KCND2: variants seen among roughly 807,000 people sequenced by gnomAD.
KCND2 encodes A-type voltage-gated potassium channel KCND2.
Under a neutral mutation model 54.4 loss-of-function variants are expected in KCND2, and 16 were observed. That is an observed-to-expected ratio of 0.29 (90% confidence interval 0.20 to 0.45). The LOEUF (loss-of-function observed/expected upper bound fraction) is 0.45. Ranked by LOEUF, KCND2 falls within the 20% of genes least tolerant of loss-of-function variation. The probability of loss-of-function intolerance (pLI) is 1.00; values close to 1 mark genes in which losing one functional copy is unlikely to be tolerated. For missense variants in KCND2, 486 were observed against 824.2 expected (o/e 0.59, Z 5.02); for synonymous variants, 317 against 310.7 (o/e 1.02, Z -0.21).
At chr7:120,578,867 T>C (rs929995234) in intron 1 of KCND2, among the ~76,000 whole-genome samples, 2 of 151,076 alleles carry the variant, frequency 1.3e-5, no homozygotes, top group African/African-American at 4.9e-5. Flanking sequence ...TGAGCCAAGA[T>C]TGATTGCGCC....
chr7:120,324,620 T>C (rs13233472), intron 1 of KCND2, among the ~76,000 whole-genome samples: 107,774 of 146,672 alleles, frequency 0.73, 42,264 homozygotes, highest in South Asian at 0.92. Context: ...AGATAAGCGG[T>C]GTTATTTCTG....
intron 1 of KCND2, among the ~76,000 whole-genome samples, chr7:120,336,828 G>A (rs1226122208): frequency 6.6e-6 from 1 of 152,112 alleles, no homozygotes; most frequent in African/African-American, 2.4e-5. Flanking sequence ...GCCCAAATCA[G>A]TGTTTTTAGA....
At chr7:120,339,799 T>G in intron 1 of KCND2, among the ~76,000 whole-genome samples, 1 of 152,050 alleles carries the variant, frequency 6.6e-6, no homozygotes, top group Non-Finnish European at 1.5e-5. Context: ...ATTTTTAAAT[T>G]AGGTGGTCAA....
intron 1 of KCND2, among the ~76,000 whole-genome samples, chr7:120,328,544 G>T (rs1376305159): frequency 6.6e-6 from 1 of 152,084 alleles, no homozygotes; most frequent in African/African-American, 2.4e-5. Context: ...ATGAATAGAT[G>T]ATGATGATGT....
intron 1 of KCND2, among the ~76,000 whole-genome samples, chr7:120,325,433 T>C (rs1440898541): frequency 6.6e-6 from 1 of 150,960 alleles, no homozygotes; most frequent in East Asian, 1.9e-4. Context: ...TATTGGCTGT[T>C]GGTTTGTCAT....
intron 1 of KCND2, among the ~76,000 whole-genome samples, chr7:120,684,477 T>G (rs1414441776): frequency 6.6e-6 from 1 of 152,194 alleles, no homozygotes; most frequent in African/African-American, 2.4e-5. Flanking sequence ...GTTTTCATTT[T>G]AAGAAGTTAG....
intron 1 of KCND2, among the ~76,000 whole-genome samples, chr7:120,356,144 C>T (rs1359641389): frequency 6.6e-6 from 1 of 151,986 alleles, no homozygotes; most frequent in African/African-American, 2.4e-5. Context: ...ATGTGTTAAC[C>T]TTGAATTGAG....
intron 1 of KCND2, among the ~76,000 whole-genome samples, chr7:120,659,343 T>A (rs1424067090): frequency 6.6e-6 from 1 of 152,166 alleles, no homozygotes; most frequent in Non-Finnish European, 1.5e-5. Flanking sequence ...TTCCAAACTC[T>A]TTATTAACCT....
chr7:120,627,194 G>A (rs146075833), intron 1 of KCND2, among the ~76,000 whole-genome samples: 1,824 of 138,838 alleles, frequency 0.013, 73 homozygotes, highest in Admixed American at 0.087. Flanking sequence ...CATTGTGCTC[G>A]TCGTGAGAAT....
chr7:120,562,927 A>G (rs1455411900), intron 1 of KCND2, among the ~76,000 whole-genome samples: 1 of 152,188 alleles, frequency 6.6e-6, no homozygotes, highest in Non-Finnish European at 1.5e-5. Context: ...AATAAATTAT[A>G]TAAGGTAAAG....
rs1287029797 is a variant in KCND2 at position 120,493,009 on chromosome 7, A to G, written c.1115+217262A>G. 2.0e-5 allele frequency among the ~76,000 whole-genome samples: 3 copies of G among 152,024 alleles called. No homozygotes were observed. The East Asian group carries it at 5.8e-4, about 29-fold the overall frequency. ...AGTACTGTCATCGTAAGTAAGGGTC[A>G]TCTGTAATCTCATTCATGAAGGCTC... is the stretch of plus-strand genomic sequence containing the variant. On this transcript the variant is annotated intron_variant, in intron 1 of 5. Coordinates refer to ENST00000331113, the MANE Select transcript of KCND2 (RefSeq NM_012281.3).
At chr7:120,490,342 A>C (rs186630779) in intron 1 of KCND2, among the ~76,000 whole-genome samples, 3 of 152,280 alleles carry the variant, frequency 2.0e-5, no homozygotes, top group Middle Eastern at 3.4e-3. Context: ...TTGAAATTTC[A>C]TTTAAGCTCA....
intron 1 of KCND2, among the ~76,000 whole-genome samples, chr7:120,569,106 AAAC>A (rs923344518): frequency 6.6e-5 from 10 of 152,212 alleles, no homozygotes; most frequent in Admixed American, 6.5e-4. Context: ...AAGTTTGCAA[AAAC>A]AAGTACATTT....
At chr7:120,439,266 C>G (rs1463528853) in intron 1 of KCND2, among the ~76,000 whole-genome samples, 1 of 152,020 alleles carries the variant, frequency 6.6e-6, no homozygotes, top group African/African-American at 2.4e-5. Context: ...GGTTTTCACT[C>G]AGAATATCTT....
At chr7:120,293,492 T>C (rs1017917018) in intron 1 of KCND2, among the ~76,000 whole-genome samples, 1 of 151,902 alleles carries the variant, frequency 6.6e-6, no homozygotes, top group African/African-American at 2.4e-5. Context: ...TGATGATTTT[T>C]CCCTTCACTT....
chr7:120,339,496 T>C (rs1196782669), intron 1 of KCND2, among the ~76,000 whole-genome samples: 3 of 147,364 alleles, frequency 2.0e-5, no homozygotes, highest in Non-Finnish European at 4.4e-5. Context: ...CAATTCTCTT[T>C]AGAAGGCTGT....
At chr7:120,278,697 A>G (rs1271487573) in intron 1 of KCND2, among the ~76,000 whole-genome samples, 1 of 151,766 alleles carries the variant, frequency 6.6e-6, no homozygotes, top group African/African-American at 2.4e-5. Flanking sequence ...TGCTCCTTGA[A>G]ATATCAAATA....
At position 120,651,121 on chromosome 7, in the gene KCND2, G is replaced by C. The variant is rs763652630; in HGVS notation, c.1116-81782G>C. On this transcript the variant is annotated intron_variant, in intron 1 of 5. Transcript: ENST00000331113. The stretch of plus-strand genomic sequence containing the variant: ...TCAGTTCTAAAACTCCATGCTGGGA[G>C]AACCACTACTCTCTTCAAAGCTGTC... Among the ~76,000 whole-genome samples, 17 of 142,976 alleles carry C rather than the reference G, an allele frequency of 1.2e-4. 3 individuals are homozygous for C. Among genetic ancestry groups the C allele is most frequent in the Non-Finnish European group, 2.0e-4 (13 of 65,936 alleles). 93.8% of individuals were successfully genotyped at this position (142,976 alleles called of 152,430 possible).
Position 120,748,211 on chromosome 7 carries a change from G to A in KCND2, c.*353G>A. ...GTTGAATGCAAAACAAAAAAAATAT[G>A]GAAAACATTTTGATAAAATTTTTTC... is the stretch of plus-strand genomic sequence containing the variant. On this transcript the variant is annotated 3_prime_UTR_variant, in exon 6 of 6. Coordinates refer to ENST00000331113, the MANE Select transcript of KCND2 (RefSeq NM_012281.3). 6.0e-6 allele frequency: 1 copy of A among 166,990 alleles called. No homozygotes were observed. Among genetic ancestry groups the A allele is most frequent in the Non-Finnish European group, 1.3e-5 (1 of 77,176 alleles). 10.3% of individuals were successfully genotyped at this position (166,990 alleles called of 1,614,324 possible). A position where few individuals can be genotyped will look rare whatever the true frequency, so the allele number is the denominator to read the frequency against.
Sources: gnomAD v4.1 joint callset for allele counts (sites outside exome capture counted in the v4.1 genomes callset) on GRCh38, gnomAD v4.1.1 for gene constraint, MANE v1.5 for transcripts, NCBI Gene and HGNC (gene_info 2026-07-23, HGNC 2026-07-21) for gene names.